Variants in RUSC2 observed in about 807,000 individuals in gnomAD.
RUSC2 encodes the protein RUN and SH3 domain containing 2.
In RUSC2, 34 loss-of-function variants were observed where a neutral mutation model predicts 122.2. The ratio of observed to expected loss-of-function variants is 0.28; its 90% CI spans 0.21 to 0.37. The LOEUF (loss-of-function observed/expected upper bound fraction) is 0.37. RUSC2 is among the 10% of genes least tolerant of loss of function. RUSC2 has a pLI of 1.00. For missense variants in RUSC2, 1,747 were observed against 1,952.4 expected (o/e 0.89, Z 1.98); for synonymous variants, 784 against 790.0 (o/e 0.99, Z 0.13).
chr9:35,553,816 C>T (rs1028973599), intron 2 of RUSC2, among the ~76,000 whole-genome samples: 3 of 152,060 alleles, frequency 2.0e-5, no homozygotes, highest in African/African-American at 7.2e-5. Flanking sequence ...GAAGCACCTC[C>T]CTAATGGGAT....
chr9:35,499,437 T>A (rs922435999), intron 1 of RUSC2, among the ~76,000 whole-genome samples: 2 of 152,216 alleles, frequency 1.3e-5, no homozygotes, highest in Admixed American at 1.3e-4. Flanking sequence ...TCCTTGGAAT[T>A]GTTGGTTTAA....
chr9:35,522,026 G>A (rs2132518317), intron 1 of RUSC2, among the ~76,000 whole-genome samples: 1 of 152,294 alleles, frequency 6.6e-6, no homozygotes, highest in African/African-American at 2.4e-5. Flanking sequence ...AGGAATCACT[G>A]TTACCACCAG....
At chr9:35,516,859 AGTT>A (rs1236867191) in intron 1 of RUSC2, among the ~76,000 whole-genome samples, 2 of 152,174 alleles carry the variant, frequency 1.3e-5, no homozygotes, top group Non-Finnish European at 2.9e-5. Flanking sequence ...ATTTTTAAAG[AGTT>A]GTTGTTTGTT....
At chr9:35,503,053 G>T (rs762374162) in intron 1 of RUSC2, among the ~76,000 whole-genome samples, 4 of 151,912 alleles carry the variant, frequency 2.6e-5, no homozygotes, top group Non-Finnish European at 5.9e-5. Context: ...GTAGAGATAG[G>T]GTTTCATCAT....
intron 1 of RUSC2, among the ~76,000 whole-genome samples, chr9:35,520,333 C>T (rs1239199962): frequency 2.0e-5 from 3 of 152,174 alleles, no homozygotes; most frequent in African/African-American, 7.2e-5. Context: ...TTTGATGGTT[C>T]TGGCAGTCAT....
chr9:35,557,987 G>A lies in RUSC2; in HGVS notation c.3057G>A (p.Val1019=). The stretch of plus-strand genomic sequence containing the variant: ...TTGGCACAAGCCGGGATCCCGGGGT[G>A]AAGGTAGGCAAGGAAATGTGGAGAG... ...AHFGTSRDPG[V]KAKLGNSSVS... The change falls in exon 6 of 12, where the codon GTG becomes GTA. Residue 1019 remains valine (V), a synonymous_variant. Transcript: ENST00000361226. The surrounding 1 kb of genome is among the most constrained non-coding windows in gnomAD (Gnocchi z 4.6). 6.2e-7 allele frequency: 1 copy of A among 1,614,150 alleles called. No homozygotes were observed. Among genetic ancestry groups the A allele is most frequent in the Non-Finnish European group, 8.5e-7 (1 of 1,179,964 alleles).
At chr9:35,559,104 A>G (rs1185815593) in intron 8 of RUSC2, 122 bp from the exon 9 acceptor site, 3 of 803,872 alleles carry the variant, frequency 3.7e-6, no homozygotes, top group Non-Finnish European at 6.5e-6. Context: ...GAATTAGGTG[A>G]AATGAATCGT....
At position 35,558,042 on chromosome 9, in the gene RUSC2, C is replaced by A; in HGVS notation, c.3060+52C>A. 1.3e-6 allele frequency: 2 copies of A among 1,585,898 alleles called. No homozygotes were observed. Among genetic ancestry groups the A allele is most frequent in the Non-Finnish European group, 1.7e-6 (2 of 1,154,682 alleles). ...GCTCTGCCTGCAAGCCCTCACCTGT[C>A]CCGCGCTACCACCTTCCCTTGCTGT... On this transcript the variant is annotated intron_variant, in intron 6 of 11. Transcript: ENST00000361226. This position sits in a 1 kb window ranked among gnomAD's most constrained non-coding sequence, Gnocchi z 4.3.
intron 1 of RUSC2, among the ~76,000 whole-genome samples, chr9:35,504,569 G>C (rs570038454): frequency 6.6e-6 from 1 of 151,550 alleles, no homozygotes; most frequent in Non-Finnish European, 1.5e-5. Context: ...AGGTTCAAGC[G>C]ATTCTCCTGC....
chr9:35,552,697 C>T (rs1458401821), intron 2 of RUSC2, among the ~76,000 whole-genome samples: 1 of 152,200 alleles, frequency 6.6e-6, no homozygotes, highest in Non-Finnish European at 1.5e-5. Flanking sequence ...CTGGGTACCA[C>T]ATCTTAAGAA....
At chr9:35,550,552 G>C (rs1210731210) in intron 2 of RUSC2, among the ~76,000 whole-genome samples, 1 of 150,910 alleles carries the variant, frequency 6.6e-6, no homozygotes, top group Non-Finnish European at 1.5e-5. Context: ...CTTGAACCCA[G>C]GAGACAGAGG....
chr9:35,561,394 T>C lies in RUSC2; in HGVS notation c.*12T>C. The C allele has an allele frequency of 6.2e-7, 1 of 1,600,474 alleles. No individual in the cohort carries two copies. The highest frequency in any genetic ancestry group is 8.5e-7 in the Non-Finnish European group (1 of 1,172,918). ...GCAGCCAAAACTGAGGCCCTGTGCA[T>C]GCTGGTGGCCTCAGGGACCCTCATA... On this transcript the variant is annotated 3_prime_UTR_variant, in exon 12 of 12. Coordinates refer to ENST00000361226, the MANE Select transcript of RUSC2 (RefSeq NM_014806.5).
At chr9:35,552,872 G>A (rs1231330415) in intron 2 of RUSC2, among the ~76,000 whole-genome samples, 2 of 152,160 alleles carry the variant, frequency 1.3e-5, no homozygotes, top group Non-Finnish European at 2.9e-5. Context: ...TCCCCACAGG[G>A]GCCCCCTTCT....
intron 2 of RUSC2, among the ~76,000 whole-genome samples, chr9:35,550,139 G>A (rs1821857718): frequency 6.6e-6 from 1 of 151,592 alleles, no homozygotes; most frequent in Non-Finnish European, 1.5e-5. Flanking sequence ...TTGAATCTGG[G>A]ATGGAGATTG....
intron 1 of RUSC2, among the ~76,000 whole-genome samples, chr9:35,523,273 T>C (rs1821249320): frequency 6.6e-6 from 1 of 152,160 alleles, no homozygotes; most frequent in African/African-American, 2.4e-5. Context: ...AGGACATAAG[T>C]GAAAAAAGCA....
chr9:35,556,170 C>T (rs753175094), intron 4 of RUSC2, 33 bp downstream of exon 4: 2 of 1,608,796 alleles, frequency 1.2e-6, no homozygotes, highest in Non-Finnish European at 1.7e-6. Flanking sequence ...ACACCCGGGG[C>T]AGGCTCTGCC....
intron 1 of RUSC2, among the ~76,000 whole-genome samples, chr9:35,492,535 C>T (rs1420942778): frequency 2.0e-5 from 3 of 151,484 alleles, no homozygotes; most frequent in East Asian, 1.9e-4. Flanking sequence ...GTCCGTCATA[C>T]GAAACGAGAG....
chr9:35,536,483 A>T (rs1194849917), intron 1 of RUSC2, among the ~76,000 whole-genome samples: 1 of 152,208 alleles, frequency 6.6e-6, no homozygotes, highest in Non-Finnish European at 1.5e-5. Flanking sequence ...TGTTTCAAGG[A>T]CTGCATGATG....
chr9:35,493,030 G>C (rs989624824), intron 1 of RUSC2, among the ~76,000 whole-genome samples: 1 of 151,832 alleles, frequency 6.6e-6, no homozygotes. Context: ...ACATATGAGG[G>C]TTTGTTATAT....
Sources: allele counts gnomAD v4.1 joint callset (sites outside exome capture counted in the v4.1 genomes callset), GRCh38; gene constraint gnomAD v4.1.1; non-coding constraint Gnocchi (gnomAD v3.1); transcripts MANE v1.5; gene names NCBI Gene and HGNC (gene_info 2026-07-23, HGNC 2026-07-21).